The following TNNI3K variants were observed in gnomAD, a reference collection of about 807,000 sequenced individuals.
The protein encoded by TNNI3K is TNNI3 interacting kinase.
A neutral mutation model predicts 114.5 loss-of-function variants in TNNI3K; 140 were observed. The ratio of observed to expected loss-of-function variants is 1.22; its 90% confidence interval spans 1.07 to 1.41. TNNI3K has a LOEUF of 1.41. TNNI3K is among the 40% of genes most tolerant of loss of function. The probability of loss-of-function intolerance (pLI) is 0.00; values close to 1 mark genes in which losing one functional copy is unlikely to be tolerated. For synonymous variants in TNNI3K, 347 were observed against 347.5 expected, an observed-to-expected ratio of 1.00 and a Z score of 0.02; for missense variants, 1,125 against 1,007.6, an observed-to-expected ratio of 1.12 and a Z score of -1.58.
chr1:74,312,887 G>T (rs1341237248), intron 5 of TNNI3K, among the ~76,000 whole-genome samples: 1 of 152,142 alleles, frequency 6.6e-6, no homozygotes, highest in Non-Finnish European at 1.5e-5. Flanking sequence ...TATTGCCCCT[G>T]TTATCTTTGC....
chr1:74,475,646 G>A, intron 21 of TNNI3K: 1 of 717,064 alleles, frequency 1.4e-6, no homozygotes, highest in Non-Finnish European at 2.6e-6. Flanking sequence ...TGAGTTAAGT[G>A]GCAGTTGCAG....
intron 23 of TNNI3K, among the ~76,000 whole-genome samples, chr1:74,535,358 C>T (rs754831958): frequency 6.6e-6 from 1 of 152,130 alleles, no homozygotes. Flanking sequence ...GTAATCCCAG[C>T]TACTCTTATG....
intron 23 of TNNI3K, among the ~76,000 whole-genome samples, chr1:74,499,543 G>A (rs1669503067): frequency 6.6e-6 from 1 of 151,946 alleles, no homozygotes. Flanking sequence ...TAGGAATATA[G>A]GTATAAGAAA....
At chr1:74,528,506 G>C (rs952469297) in intron 23 of TNNI3K, among the ~76,000 whole-genome samples, 1 of 152,046 alleles carries the variant, frequency 6.6e-6, no homozygotes, top group Admixed American at 6.6e-5. Context: ...GTGGGGAAAG[G>C]GTACAACAGC....
Position 74,436,105 on chromosome 1 carries a change from G to C in TNNI3K, c.1798G>C (p.Gly600Arg). 6.2e-7 allele frequency: 1 copy of C among 1,607,788 alleles called. No individual in the cohort carries two copies. Among genetic ancestry groups the C allele is most frequent in the Non-Finnish European group, 8.5e-7 (1 of 1,177,892 alleles). The part of the protein sequence containing the change: ...NSHNILLYED[G>R]HAVVADFGES... Reference sequence around the variant, plus strand: ...TCACAATATTCTTCTCTATGAGGATGGGCATGCTGTGGTGGCAGATTTTGG... The same window carrying C: ...TCACAATATTCTTCTCTATGAGGATCGGCATGCTGTGGTGGCAGATTTTGG... The change falls in exon 18 of 25, where the codon GGG (glycine) becomes CGG (arginine). Residue 600 changes from glycine (G) to arginine (R), a missense_variant. Physicochemically the swap from Gly to Arg is moderately radical, Grantham distance 125. Coordinates refer to ENST00000326637, the MANE Select transcript of TNNI3K (RefSeq NM_015978.3).
intron 2 of TNNI3K, among the ~76,000 whole-genome samples, chr1:74,239,664 C>A (rs1456622896): frequency 6.6e-6 from 1 of 152,094 alleles, no homozygotes; most frequent in Non-Finnish European, 1.5e-5. Flanking sequence ...ATGGCATTCC[C>A]GGTAGATGCT....
chr1:74,420,635 C>G (rs1665349347), intron 17 of TNNI3K, among the ~76,000 whole-genome samples: 1 of 152,120 alleles, frequency 6.6e-6, no homozygotes, highest in Non-Finnish European at 1.5e-5. Context: ...TGTCATTAAG[C>G]AGCTGCATTC....
At chr1:74,299,074 G>C (rs548240114) in intron 5 of TNNI3K, among the ~76,000 whole-genome samples, 1 of 152,034 alleles carries the variant, frequency 6.6e-6, no homozygotes, top group Admixed American at 6.5e-5. Context: ...TTATATTAGA[G>C]GTGGAAAGAG....
At chr1:74,287,017 C>G (rs976338550) in intron 5 of TNNI3K, among the ~76,000 whole-genome samples, 2 of 151,540 alleles carry the variant, frequency 1.3e-5, no homozygotes, top group African/African-American at 4.9e-5. Context: ...AAAAAGAAAT[C>G]AATCAGAAAC....
At chr1:74,399,839 T>C (rs187957131) in intron 17 of TNNI3K, among the ~76,000 whole-genome samples, 2 of 152,272 alleles carry the variant, frequency 1.3e-5, no homozygotes, top group East Asian at 1.9e-4. Context: ...ATCAAACTAA[T>C]AGTCAACATA....
chr1:74,308,878 G>C (rs1658809910), intron 5 of TNNI3K, among the ~76,000 whole-genome samples: 1 of 152,102 alleles, frequency 6.6e-6, no homozygotes, highest in African/African-American at 2.4e-5. Flanking sequence ...AAATATCTCT[G>C]TGTACACAAA....
intron 20 of TNNI3K, among the ~76,000 whole-genome samples, chr1:74,443,868 T>G (rs1004980982): frequency 7.2e-5 from 11 of 152,184 alleles, no homozygotes; most frequent in African/African-American, 2.4e-4. Flanking sequence ...TGCAAATCAA[T>G]AAACGTAATT....
chr1:74,443,887 A>G (rs1666501206), intron 20 of TNNI3K, among the ~76,000 whole-genome samples: 1 of 152,238 alleles, frequency 6.6e-6, no homozygotes, highest in Non-Finnish European at 1.5e-5. Context: ...TTCATCACAT[A>G]AACAGAACTA....
At chr1:74,266,774 TTAAG>T (rs1333995773) in intron 4 of TNNI3K, among the ~76,000 whole-genome samples, 1 of 151,986 alleles carries the variant, frequency 6.6e-6, no homozygotes, top group Non-Finnish European at 1.5e-5. Flanking sequence ...AGGCAGGATA[TTAAG>T]TAAGCATTGT....
chr1:74,439,337 A>T (rs1666271848), intron 19 of TNNI3K, 153 bp from the exon 20 acceptor site: 1 of 1,213,824 alleles, frequency 8.2e-7, no homozygotes, highest in African/African-American at 1.5e-5. Flanking sequence ...TTTATTGCAC[A>T]CACTGAGGGC....
At chr1:74,401,191 A>G (rs1036625967) in intron 17 of TNNI3K, among the ~76,000 whole-genome samples, 3 of 152,300 alleles carry the variant, frequency 2.0e-5, no homozygotes, top group Non-Finnish European at 4.4e-5. Flanking sequence ...CCTATAAATC[A>G]TTCAAGCCCA....
chr1:74,498,353 C>T (rs758142320), intron 23 of TNNI3K, among the ~76,000 whole-genome samples: 9 of 152,172 alleles, frequency 5.9e-5, no homozygotes, highest in East Asian at 5.8e-4. Flanking sequence ...TACCCCATCT[C>T]GATTCATGCC....
chr1:74,247,027 G>A (rs1654604924), intron 2 of TNNI3K, among the ~76,000 whole-genome samples: 1 of 152,106 alleles, frequency 6.6e-6, no homozygotes, highest in Non-Finnish European at 1.5e-5. Flanking sequence ...TAATATATGT[G>A]ACAATATGCA....
At chr1:74,439,684 C>T in intron 20 of TNNI3K, 62 bp downstream of exon 20, 14 of 1,585,606 alleles carry the variant, frequency 8.8e-6, no homozygotes, top group South Asian at 1.1e-5. Context: ...TTTATAACTT[C>T]AAGAAAATTT....
Sources: gnomAD v4.1 joint callset for allele counts (sites outside exome capture counted in the v4.1 genomes callset) on GRCh38, gnomAD v4.1.1 for gene constraint, MANE v1.5 for transcripts, NCBI Gene and HGNC (gene_info 2026-07-23, HGNC 2026-07-21) for gene names.